ANK2: variants seen among roughly 807,000 people sequenced by gnomAD.
ANK2 encodes the protein ankyrin 2, also known as ankyrin-2.
A neutral mutation model predicts 360.5 loss-of-function variants in ANK2; 83 were observed. The observed-to-expected ratio is 0.23, with a 90% CI of 0.19 to 0.28. The LOEUF (loss-of-function observed/expected upper bound fraction) is 0.28. Among genes scored for constraint, ANK2 ranks in the 10% least tolerant of loss-of-function variants. The pLI is 1.00. For missense variants in ANK2, 4,201 were observed against 4,795.7 expected (o/e 0.88, Z 3.66); for synonymous variants, 1,740 against 1,759.5 (o/e 0.99, Z 0.28).
intron 34 of ANK2, among the ~76,000 whole-genome samples, chr4:113,345,620 C>T (rs113987170): frequency 2.6e-5 from 4 of 152,156 alleles, no homozygotes; most frequent in Admixed American, 6.6e-5. Flanking sequence ...TAATTTGATA[C>T]GCTAATCATT....
intron 1 of ANK2, among the ~76,000 whole-genome samples, chr4:113,171,795 G>A (rs1366479616): frequency 6.6e-6 from 1 of 152,110 alleles, no homozygotes; most frequent in Non-Finnish European, 1.5e-5. Flanking sequence ...AACGGCAAAA[G>A]CAATCCTCAA....
intron 2 of ANK2, among the ~76,000 whole-genome samples, chr4:113,183,085 G>A: frequency 6.6e-6 from 1 of 152,072 alleles, no homozygotes; most frequent in East Asian, 1.9e-4. Flanking sequence ...GAAAAGGAAA[G>A]ATGTATGGGC....
intron 1 of ANK2, among the ~76,000 whole-genome samples, chr4:113,172,102 A>G (rs560092815): frequency 1.3e-5 from 2 of 152,296 alleles, no homozygotes; most frequent in Admixed American, 1.3e-4. Context: ...CTGTTTCCTC[A>G]TTCTCACATG....
At chr4:112,814,434 TTTTTTTG>T (rs2055500807), upstream of ANK2, among the ~76,000 whole-genome samples, 2 of 61,096 alleles carry the variant, frequency 3.3e-5, no homozygotes, top group South Asian at 6.0e-4. Context: ...CGTTTTTTTG[TTTTTTTG>T]TTTGTTTGTT....
chr4:112,878,664 C>T (rs917132944), intron 1 of ANK2, among the ~76,000 whole-genome samples: 2 of 151,600 alleles, frequency 1.3e-5, no homozygotes, highest in East Asian at 2.0e-4. Flanking sequence ...GACGGAGTCT[C>T]GCTCTGTCGC....
At chr4:112,764,942 G>T in the ANK2 span, among the ~76,000 whole-genome samples, 3 of 151,812 alleles carry the variant, frequency 2.0e-5, no homozygotes, top group East Asian at 3.9e-4. Context: ...CTGACCTCAG[G>T]TGATCCACCC....
chr4:113,372,218 T>A (rs1330859959), intron 43 of ANK2, among the ~76,000 whole-genome samples: 3 of 152,164 alleles, frequency 2.0e-5, no homozygotes, highest in Non-Finnish European at 4.4e-5. Context: ...GCTTTTTTTT[T>A]AGGAGTTTAA....
chr4:113,186,378 A>G (rs2098523638), intron 2 of ANK2, among the ~76,000 whole-genome samples: 1 of 152,304 alleles, frequency 6.6e-6, no homozygotes, highest in East Asian at 1.9e-4. Flanking sequence ...GGACGTCCAC[A>G]CAAAAACCCC....
intron 1 of ANK2, among the ~76,000 whole-genome samples, chr4:112,850,504 C>T (rs1039141397): frequency 0.021 from 119 of 5,726 alleles, no homozygotes; most frequent in South Asian, 0.043. Context: ...CTGTGCTAGT[C>T]TTTTTTTTTT....
At chr4:112,824,387 A>G (rs925900438) in intron 1 of ANK2, among the ~76,000 whole-genome samples, 8 of 152,056 alleles carry the variant, frequency 5.3e-5, no homozygotes, top group African/African-American at 1.9e-4. Flanking sequence ...ATTTTTCTGG[A>G]GACAGTGTGT....
intron 1 of ANK2, among the ~76,000 whole-genome samples, chr4:112,856,337 AC>A (rs1220434850): frequency 1.2e-4 from 18 of 152,290 alleles, no homozygotes; most frequent in South Asian, 4.2e-4. Flanking sequence ...TTTTATTTAA[AC>A]CAATAGTTCC....
At position 113,196,489 on chromosome 4, in the gene ANK2, AT is replaced by A. The variant is rs760815331; in HGVS notation, c.285+30del. The A allele has an allele frequency of 1.6e-5, 26 of 1,586,908 alleles. No homozygotes were observed. The African/African-American group carries it at 2.8e-4, about 17-fold the overall frequency. On this transcript the variant is annotated intron_variant, in intron 3 of 45. Coordinates refer to ENST00000357077, the MANE Select transcript of ANK2 (RefSeq NM_001148.6). ...AAGGTAACATTTATGTTGGTAGAAC[AT>A]TTTTTTCCTTAGAAAAGCGAAAATA...
chr4:113,332,121 C>G (rs1438526091), intron 28 of ANK2, 51 bp downstream of exon 28: 2 of 1,447,256 alleles, frequency 1.4e-6, no homozygotes, highest in Admixed American at 1.7e-5. Flanking sequence ...CATTCTTCTC[C>G]TTCTTCTGCA....
At chr4:112,801,855 GA>G in the ANK2 span, among the ~76,000 whole-genome samples, 1 of 152,094 alleles carries the variant, frequency 6.6e-6, no homozygotes, top group Non-Finnish European at 1.5e-5. Flanking sequence ...AGCAGTTGAA[GA>G]AAGGTGTATC....
chr4:112,880,602 C>G (rs1161100724), intron 1 of ANK2: 1 of 152,128 alleles, frequency 6.6e-6, no homozygotes. Context: ...AAGTTAGCTC[C>G]AGAGATTAAA....
the ANK2 span, among the ~76,000 whole-genome samples, chr4:112,741,170 C>G: frequency 1.8e-4 from 27 of 152,140 alleles, no homozygotes; most frequent in African/African-American, 6.3e-4. Flanking sequence ...CATATTACAA[C>G]CATAGTTTTT....
chr4:113,181,244 C>T (rs888420878), intron 2 of ANK2, among the ~76,000 whole-genome samples: 1 of 152,100 alleles, frequency 6.6e-6, no homozygotes, highest in Non-Finnish European at 1.5e-5. Flanking sequence ...AAGTACTCTC[C>T]GCAGTGGTTT....
chr4:112,756,831 T>C, the ANK2 span, among the ~76,000 whole-genome samples: 3 of 151,868 alleles, frequency 2.0e-5, no homozygotes, highest in Non-Finnish European at 4.4e-5. Flanking sequence ...AAATTAGCCC[T>C]ACATGGTGGT....
intron 1 of ANK2, among the ~76,000 whole-genome samples, chr4:113,150,621 TC>T (rs2097031211): frequency 6.6e-6 from 1 of 152,144 alleles, no homozygotes; most frequent in South Asian, 2.1e-4. Context: ...AATATTGTGT[TC>T]CCATGTCCTG....
Sources: gnomAD v4.1 joint callset for allele counts (sites outside exome capture counted in the v4.1 genomes callset) on GRCh38, gnomAD v4.1.1 for gene constraint, MANE v1.5 for transcripts, NCBI Gene and HGNC (gene_info 2026-07-23, HGNC 2026-07-21) for gene names.